CLUAP1: variants seen among roughly 807,000 people sequenced by gnomAD.
CLUAP1 encodes clusterin-associated protein 1.
In CLUAP1, 50 loss-of-function variants were observed where a neutral mutation model predicts 55.0. The observed-to-expected ratio is 0.91, with a 90% CI of 0.72 to 1.15. CLUAP1 has a LOEUF of 1.15. Among genes scored for constraint, CLUAP1 ranks in the 50% most tolerant of loss-of-function variants. The pLI, the probability that CLUAP1 is intolerant of heterozygous loss-of-function variation, is 0.00. For missense variants in CLUAP1, 530 were observed against 507.6 expected, an observed-to-expected ratio of 1.04 and a Z score of -0.42; for synonymous variants, 195 against 175.4, an observed-to-expected ratio of 1.11 and a Z score of -0.88.
Position 3,537,135 on chromosome 16 carries a change from G to A in CLUAP1, c.*864G>A, listed in dbSNP as rs982796013. The stretch of plus-strand genomic sequence containing the variant: ...GGAGCTTTGTTTTGTCTAAAGTGTG[G>A]CAAGACATAGTGCACAACACAGGGA... On this transcript the variant is annotated 3_prime_UTR_variant, in exon 12 of 12. Coordinates refer to ENST00000576634, the MANE Select transcript of CLUAP1 (RefSeq NM_015041.3). 2.6e-5 allele frequency: 4 copies of A among 152,176 alleles called. No individual in the cohort carries two copies. The highest frequency in any genetic ancestry group is 2.6e-4 in the Admixed American group (4 of 15,272). The allele number at this position is 152,176 out of a possible 1,614,324, so 9.4% of individuals were successfully genotyped here. A position where few individuals can be genotyped will look rare whatever the true frequency, so the allele number is the denominator to read the frequency against.
At chr16:3,536,009 GC>G in intron 11 of CLUAP1, 112 bp from the exon 12 acceptor site, 1 of 1,303,064 alleles carries the variant, frequency 7.7e-7, no homozygotes. Flanking sequence ...CACTCTGCCA[GC>G]CTCTTCCTTC....
intron 8 of CLUAP1, among the ~76,000 whole-genome samples, chr16:3,525,527 C>G (rs2037925023): frequency 6.6e-6 from 1 of 152,080 alleles, no homozygotes; most frequent in Admixed American, 6.6e-5. Context: ...AACTTCCTCC[C>G]TCTGTCTGTC....
At position 3,509,252 on chromosome 16, in the gene CLUAP1, G is replaced by A. The variant is rs1168049405; in HGVS notation, c.399+784G>A. ...CAACAGAACGAGACCTTGTCTGGGG[G>A]GAAGAAAAAAAATGTGTTTTGTGTG... On this transcript the variant is annotated intron_variant, in intron 4 of 11. Coordinates refer to ENST00000576634, the MANE Select transcript of CLUAP1 (RefSeq NM_015041.3). 3.3e-5 allele frequency among the ~76,000 whole-genome samples: 5 copies of A among 152,178 alleles called. No homozygotes were observed. The South Asian group carries it at 6.2e-4, about 19-fold the overall frequency.
At chr16:3,532,875 A>G (rs370096771) in intron 11 of CLUAP1, 34 bp downstream of exon 11, 15 of 1,611,562 alleles carry the variant, frequency 9.3e-6, no homozygotes, top group Non-Finnish European at 9.3e-6. Flanking sequence ...GGTTCTGTGC[A>G]CTCTGGGTTT....
rs560233018 is a variant in CLUAP1 at position 3,501,221 on chromosome 16, G to A, written c.22+132G>A. 51 of 914,514 alleles carry A rather than the reference G, an allele frequency of 5.6e-5. No individual in the cohort carries two copies. In the African/African-American group the frequency reaches 7.4e-4, roughly 13 times the overall value. 56.6% of individuals were successfully genotyped at this position (914,514 alleles called of 1,614,324 possible). On this transcript the variant is annotated intron_variant, in intron 1 of 11. Coordinates refer to ENST00000576634, the MANE Select transcript of CLUAP1 (RefSeq NM_015041.3). The stretch of plus-strand genomic sequence containing the variant: ...GCTCCTTTCGGGCCTCTGCGCCTCA[G>A]GGACCGCCTGACCCGCGGCTGCAAC...
chr16:3,512,610 G>A, intron 5 of CLUAP1, 132 bp downstream of exon 5: 1 of 620,380 alleles, frequency 1.6e-6, no homozygotes. Context: ...GTGGAAAGGT[G>A]ATAGAGGATA....
intron 10 of CLUAP1, among the ~76,000 whole-genome samples, chr16:3,531,880 T>G (rs967155443): frequency 2.6e-5 from 4 of 152,036 alleles, no homozygotes; most frequent in Admixed American, 1.3e-4. Flanking sequence ...GTCTCGCTCT[T>G]GGTCCCCAGG....
At chr16:3,514,067 G>A (rs147369690) in intron 5 of CLUAP1, among the ~76,000 whole-genome samples, 1 of 152,216 alleles carries the variant, frequency 6.6e-6, no homozygotes, top group Non-Finnish European at 1.5e-5. Flanking sequence ...AGCTAATTCA[G>A]ATGATGAGTA....
intron 5 of CLUAP1, among the ~76,000 whole-genome samples, chr16:3,512,838 A>T (rs1162237679): frequency 3.3e-5 from 5 of 151,882 alleles, no homozygotes; most frequent in Non-Finnish European, 7.4e-5. Flanking sequence ...CTGCCACCAC[A>T]CCCGGCTAAT....
rs1447387154 is a variant in CLUAP1, at chr16:3,501,064, C to G, written c.-4C>G. The G allele has an allele frequency of 3.1e-6, 5 of 1,600,162 alleles. No individual in the cohort carries two copies. The highest frequency in any genetic ancestry group is 2.2e-5 in the South Asian group (2 of 89,708). On this transcript the variant is annotated 5_prime_UTR_variant, in exon 1 of 12. Coordinates refer to ENST00000576634, the MANE Select transcript of CLUAP1 (RefSeq NM_015041.3). ...GACCCTGGGCTCCTGGGGACCTGAGCGTTATGTCTTTCCGCGACCTCCGCA... is the reference window on the plus strand; with the variant it reads ...GACCCTGGGCTCCTGGGGACCTGAGGGTTATGTCTTTCCGCGACCTCCGCA...
intron 11 of CLUAP1, 179 bp from the exon 12 acceptor site, chr16:3,535,943 C>T: frequency 1.5e-6 from 1 of 645,538 alleles, no homozygotes; most frequent in South Asian, 2.1e-5. Flanking sequence ...TGATAAATTC[C>T]AGCTGGCAGT....
At position 3,536,150 on chromosome 16, in the gene CLUAP1, T is replaced by C; in HGVS notation, c.1121T>C (p.Met374Thr). ...NEDSEESEID[M>T]EDDDDEDDDL... ...GACTCGGAGGAGAGTGAAATTGACA[T>C]GGAAGATGATGATGACGAGGATGAC... Residue 374 changes from methionine (M) to threonine (T), a missense_variant, in exon 12 of 12, where the codon ATG becomes ACG. Physicochemically the swap from Met to Thr is moderately conservative, Grantham distance 81. Transcript: ENST00000576634. 6.2e-7 allele frequency: 1 copy of C among 1,614,114 alleles called. No homozygotes were observed. The highest frequency in any genetic ancestry group is 1.1e-5 in the South Asian group (1 of 91,082).
chr16:3,508,538 C>A, intron 4 of CLUAP1, 70 bp downstream of exon 4: 1 of 1,354,156 alleles, frequency 7.4e-7, no homozygotes, highest in South Asian at 1.6e-5. Flanking sequence ...TGGAAGGAGT[C>A]TGCTACAGCT....
intron 5 of CLUAP1, among the ~76,000 whole-genome samples, chr16:3,513,145 A>G (rs138351909): frequency 3.3e-5 from 5 of 152,236 alleles, no homozygotes; most frequent in African/African-American, 7.2e-5. Context: ...CAGTTCCCCG[A>G]CCTTGCTGCC....
intron 11 of CLUAP1, chr16:3,533,262 A>G: frequency 1.1e-6 from 1 of 879,496 alleles, no homozygotes; most frequent in African/African-American, 1.7e-5. Context: ...CTGGGCAAAA[A>G]GGCCACTCAA....
At position 3,501,042 on chromosome 16, in the gene CLUAP1, C is replaced by A; in HGVS notation, c.-26C>A. ...TCGCTGAGGGGCGAGCAGTTGCGAC[C>A]CTGGGCTCCTGGGGACCTGAGCGTT... On this transcript the variant is annotated 5_prime_UTR_variant, in exon 1 of 12. Transcript: ENST00000576634. 6.3e-7 allele frequency: 1 copy of A among 1,597,192 alleles called. No individual in the cohort carries two copies. Among genetic ancestry groups the A allele is most frequent in the Non-Finnish European group, 8.5e-7 (1 of 1,174,912 alleles).
chr16:3,527,464 C>T (rs908528570), intron 9 of CLUAP1, among the ~76,000 whole-genome samples: 6 of 152,026 alleles, frequency 3.9e-5, no homozygotes, highest in African/African-American at 1.5e-4. Flanking sequence ...CCGCCCGTTG[C>T]CAAGTGGACC....
intron 8 of CLUAP1, 69 bp downstream of exon 8, chr16:3,523,368 T>TG: frequency 6.7e-7 from 1 of 1,489,376 alleles, no homozygotes; most frequent in Non-Finnish European, 9.0e-7. Context: ...TGACAGGTCA[T>TG]TTTGTTAATA....
chr16:3,508,975 G>A (rs2037563866), intron 4 of CLUAP1, among the ~76,000 whole-genome samples: 1 of 151,958 alleles, frequency 6.6e-6, no homozygotes, highest in Admixed American at 6.6e-5. Flanking sequence ...ATTTGTTTTG[G>A]GCTGGGTGCA....
Sources: allele counts gnomAD v4.1 joint callset (sites outside exome capture counted in the v4.1 genomes callset), GRCh38; gene constraint gnomAD v4.1.1; transcripts MANE v1.5; gene names NCBI Gene and HGNC (gene_info 2026-07-23, HGNC 2026-07-21).